GRIK1: variants seen among roughly 807,000 people sequenced by gnomAD.
GRIK1 encodes the protein glutamate receptor ionotropic, kainate 1.
Under a neutral mutation model 105.7 loss-of-function variants are expected in GRIK1, and 69 were observed. The ratio of observed to expected loss-of-function variants is 0.65; its 90% CI spans 0.54 to 0.80. The LOEUF (loss-of-function observed/expected upper bound fraction) is 0.80. Ranked by LOEUF, GRIK1 falls within the 30% of genes least tolerant of loss-of-function variation. The probability of loss-of-function intolerance (pLI) is 0.00; values close to 1 mark genes in which losing one functional copy is unlikely to be tolerated. For synonymous variants in GRIK1, 438 were observed against 431.3 expected (o/e 1.02, Z -0.19); for missense variants, 1,109 against 1,167.3 (o/e 0.95, Z 0.73).
chr21:29,787,207 T>A (rs1359389508), intron 1 of GRIK1, among the ~76,000 whole-genome samples: 1 of 152,196 alleles, frequency 6.6e-6, no homozygotes, highest in African/African-American at 2.4e-5. Context: ...ACAGGTGCAT[T>A]TATTAATACA....
At chr21:29,929,914 T>A (rs2071509537) in intron 1 of GRIK1, among the ~76,000 whole-genome samples, 1 of 152,222 alleles carries the variant, frequency 6.6e-6, no homozygotes, top group South Asian at 2.1e-4. Context: ...AGAGTCAACC[T>A]AAGTGTCCAT....
At chr21:29,650,281 A>G (rs1270572850) in intron 6 of GRIK1, among the ~76,000 whole-genome samples, 2 of 152,218 alleles carry the variant, frequency 1.3e-5, no homozygotes, top group African/African-American at 4.8e-5. Context: ...TTGCATCTTA[A>G]AAGCGAGAGT....
At chr21:29,725,442 A>G (rs2064433317) in intron 1 of GRIK1, among the ~76,000 whole-genome samples, 1 of 152,198 alleles carries the variant, frequency 6.6e-6, no homozygotes, top group Admixed American at 6.5e-5. Flanking sequence ...CAGTGAGGGA[A>G]CAAGCATATA....
intron 1 of GRIK1, among the ~76,000 whole-genome samples, chr21:29,849,783 G>C (rs1322322290): frequency 6.6e-6 from 1 of 152,180 alleles, no homozygotes; most frequent in Non-Finnish European, 1.5e-5. Context: ...TCAAGTGCAT[G>C]GTGAGAAAAC....
chr21:29,808,666 A>T (rs2066927274), intron 1 of GRIK1, among the ~76,000 whole-genome samples: 1 of 152,202 alleles, frequency 6.6e-6, no homozygotes, highest in African/African-American at 2.4e-5. Flanking sequence ...GGCTCTTTCC[A>T]GAAGCACTAA....
In GRIK1 at chr21:29,733,923, A is replaced by G. The variant is rs545145837; in HGVS notation, c.119-39860T>C. Among the ~76,000 whole-genome samples the G allele has an allele frequency of 7.9e-4, 120 of 152,208 alleles. 1 individual carries two copies. Among genetic ancestry groups the G allele is most frequent in the African/African-American group, 2.6e-3 (106 of 41,560 alleles). ...TAAGGCATAGGTAATAGTAAAATACAGTGAAATAATTAGTTTTACTATTAT... is the reference window on the plus strand; with the variant it reads ...TAAGGCATAGGTAATAGTAAAATACGGTGAAATAATTAGTTTTACTATTAT... On this transcript the variant is annotated intron_variant, in intron 1 of 17. Coordinates refer to ENST00000327783, the MANE Select transcript of GRIK1 (RefSeq NM_001330994.2).
intron 1 of GRIK1, among the ~76,000 whole-genome samples, chr21:29,936,961 G>A (rs2071779486): frequency 6.6e-6 from 1 of 152,122 alleles, no homozygotes; most frequent in South Asian, 2.1e-4. Context: ...ATAATCTAGA[G>A]ACCCTTTTTA....
chr21:29,776,546 G>C (rs1258901519), intron 1 of GRIK1, among the ~76,000 whole-genome samples: 1 of 152,182 alleles, frequency 6.6e-6, no homozygotes, highest in East Asian at 1.9e-4. Flanking sequence ...ATTAAAATGA[G>C]AGAAGAAAAA....
intron 2 of GRIK1, among the ~76,000 whole-genome samples, chr21:29,692,850 G>A (rs773393385): frequency 5.3e-5 from 8 of 152,194 alleles, no homozygotes; most frequent in Admixed American, 3.3e-4. Flanking sequence ...TGGGATTACC[G>A]GCATGAGCCA....
chr21:29,552,781 C>T (rs1328246872), intron 16 of GRIK1, among the ~76,000 whole-genome samples: 2 of 151,988 alleles, frequency 1.3e-5, no homozygotes, highest in Admixed American at 1.3e-4. Flanking sequence ...TCCTTAGAGA[C>T]TCAGAACCTA....
chr21:29,553,355 C>A (rs530965467), intron 16 of GRIK1: 4 of 1,200,936 alleles, frequency 3.3e-6, no homozygotes, highest in Non-Finnish European at 4.1e-6. Flanking sequence ...GTCTTTATAC[C>A]CCTAATATGC....
At chr21:29,763,574 T>G (rs539903095) in intron 1 of GRIK1, 8 of 152,512 alleles carry the variant, frequency 5.2e-5, no homozygotes, top group African/African-American at 1.9e-4. Flanking sequence ...TCTCCTGCCC[T>G]TAGGGTATCA....
At chr21:29,834,081 G>C (rs1746559112) in intron 1 of GRIK1, among the ~76,000 whole-genome samples, 1 of 151,910 alleles carries the variant, frequency 6.6e-6, no homozygotes, top group Admixed American at 6.6e-5. Context: ...TCTTAAGGTA[G>C]GTTTATTGAA....
intron 1 of GRIK1, among the ~76,000 whole-genome samples, chr21:29,921,949 T>A (rs1239687777): frequency 1.3e-5 from 2 of 152,202 alleles, no homozygotes; most frequent in African/African-American, 4.8e-5. Flanking sequence ...GATTTACCTT[T>A]GCTTTTGATA....
chr21:29,791,458 A>G (rs2066413248), intron 1 of GRIK1, among the ~76,000 whole-genome samples: 1 of 152,076 alleles, frequency 6.6e-6, no homozygotes, highest in African/African-American at 2.4e-5. Context: ...GGATTCAGCT[A>G]TCCACATACA....
chr21:29,596,311 A>G (rs750393323), intron 9 of GRIK1: 21 of 682,820 alleles, frequency 3.1e-5, no homozygotes, highest in Non-Finnish European at 5.1e-5. Flanking sequence ...TTAATCCATA[A>G]TTATTTAATC....
chr21:29,882,183 G>C (rs2069440290), intron 1 of GRIK1, among the ~76,000 whole-genome samples: 1 of 151,982 alleles, frequency 6.6e-6, no homozygotes, highest in African/African-American at 2.4e-5. Flanking sequence ...GGGACTTTTG[G>C]GTGGTTTTAC....
intron 1 of GRIK1, among the ~76,000 whole-genome samples, chr21:29,815,786 T>C (rs1408589256): frequency 6.6e-6 from 1 of 151,984 alleles, no homozygotes; most frequent in African/African-American, 2.4e-5. Flanking sequence ...TTACACCATA[T>C]GCAAAAATAA....
chr21:29,712,083 T>TAC (rs56017389), intron 1 of GRIK1, among the ~76,000 whole-genome samples: 1,487 of 135,344 alleles, frequency 0.011, 11 homozygotes, highest in South Asian at 0.024. Context: ...TATACATACA[T>TAC]ACACACACAC....
Sources: gnomAD v4.1 joint callset for allele counts (sites outside exome capture counted in the v4.1 genomes callset) on GRCh38, gnomAD v4.1.1 for gene constraint, MANE v1.5 for transcripts, NCBI Gene and HGNC (gene_info 2026-07-23, HGNC 2026-07-21) for gene names.